MAP2K1: variants seen among roughly 807,000 people sequenced by gnomAD.
The protein encoded by MAP2K1 is dual specificity mitogen-activated protein kinase kinase 1.
MAP2K1 carries 16 observed loss-of-function variants against 46.3 expected under a neutral mutation model. That is an observed-to-expected ratio of 0.35 (90% CI 0.23 to 0.52). MAP2K1 has a LOEUF of 0.52. Ranked by LOEUF, MAP2K1 falls within the 20% of genes least tolerant of loss-of-function variation. The pLI, the probability that MAP2K1 is intolerant of heterozygous loss-of-function variation, is 0.94. For synonymous variants in MAP2K1, 183 were observed against 185.6 expected, an observed-to-expected ratio of 0.99 and a Z score of 0.11; for missense variants, 263 against 497.1, an observed-to-expected ratio of 0.53 and a Z score of 4.48.
At chr15:66,490,066 C>T in intron 10 of MAP2K1, 1 of 549,388 alleles carries the variant, frequency 1.8e-6, no homozygotes, top group East Asian at 3.2e-5. Context: ...TACTGACTGC[C>T]TCATCTTACA....
At chr15:66,440,840 C>G (rs1451908354) in intron 3 of MAP2K1, among the ~76,000 whole-genome samples, 1 of 152,158 alleles carries the variant, frequency 6.6e-6, no homozygotes, top group Admixed American at 6.5e-5. Context: ...TGCAGGCAAC[C>G]CTGGGGAATC....
At chr15:66,449,020 A>AC (rs1891958348) in intron 5 of MAP2K1, among the ~76,000 whole-genome samples, 2 of 151,004 alleles carry the variant, frequency 1.3e-5, no homozygotes, top group East Asian at 1.9e-4. Context: ...AAAAAAAAAA[A>AC]AAAAAAAACA....
At chr15:66,455,817 C>G (rs1892152161) in intron 5 of MAP2K1, among the ~76,000 whole-genome samples, 1 of 152,206 alleles carries the variant, frequency 6.6e-6, no homozygotes, top group Non-Finnish European at 1.5e-5. Flanking sequence ...TGCCGAAGCT[C>G]TGGCTAGCTC....
chr15:66,487,945 T>C (rs1197434849), intron 8 of MAP2K1, among the ~76,000 whole-genome samples: 1 of 152,068 alleles, frequency 6.6e-6, no homozygotes, highest in East Asian at 1.9e-4. Flanking sequence ...CCCATGCAAT[T>C]CTCCCAAGCA....
chr15:66,410,996 A>G (rs2093410005), intron 1 of MAP2K1, among the ~76,000 whole-genome samples: 1 of 152,228 alleles, frequency 6.6e-6, no homozygotes, highest in South Asian at 2.1e-4. Context: ...GTTAGTTTAC[A>G]GAGCTTCTGT....
At chr15:66,457,580 T>C (rs1406451219) in intron 5 of MAP2K1, among the ~76,000 whole-genome samples, 1 of 152,224 alleles carries the variant, frequency 6.6e-6, no homozygotes, top group Non-Finnish European at 1.5e-5. Context: ...ATATTTACTC[T>C]CTGGTCCTTT....
intron 6 of MAP2K1, among the ~76,000 whole-genome samples, chr15:66,482,800 G>A (rs1016253847): frequency 3.3e-5 from 5 of 152,182 alleles, no homozygotes; most frequent in South Asian, 2.1e-4. Context: ...AGGTGGAAAC[G>A]TGAGTCTGGG....
At chr15:66,417,590 C>G (rs180795673) in intron 1 of MAP2K1, among the ~76,000 whole-genome samples, 2 of 152,232 alleles carry the variant, frequency 1.3e-5, no homozygotes, top group East Asian at 1.9e-4. Flanking sequence ...AACAAAAAAC[C>G]TATGCTTAAG....
intron 9 of MAP2K1, 187 bp from the exon 10 acceptor site, chr15:66,489,527 TGACC>T: frequency 1.5e-6 from 1 of 684,538 alleles, no homozygotes; most frequent in South Asian, 1.7e-5. Flanking sequence ...CGTTGCTTTT[TGACC>T]TTAGTTTAAC....
chr15:66,488,095 G>C (rs1176045343), intron 8 of MAP2K1, among the ~76,000 whole-genome samples: 1 of 150,612 alleles, frequency 6.6e-6, no homozygotes, highest in Non-Finnish European at 1.5e-5. Flanking sequence ...CCTCCTAGGA[G>C]GCTTGGCTGC....
chr15:66,388,811 C>T (rs1426745153), intron 1 of MAP2K1, among the ~76,000 whole-genome samples: 4 of 151,666 alleles, frequency 2.6e-5, no homozygotes, highest in African/African-American at 9.7e-5. Context: ...AGACTCTCTT[C>T]TTTAGTCCCC....
chr15:66,419,821 T>G (rs1039125601), intron 1 of MAP2K1, among the ~76,000 whole-genome samples: 3 of 152,194 alleles, frequency 2.0e-5, no homozygotes, highest in Non-Finnish European at 2.9e-5. Context: ...TTTGTTTGTT[T>G]CTTTTTAAAG....
intron 5 of MAP2K1, among the ~76,000 whole-genome samples, chr15:66,452,262 A>G (rs1325796524): frequency 7.3e-6 from 1 of 136,250 alleles, no homozygotes; most frequent in African/African-American, 2.7e-5. Flanking sequence ...CAATGTGCAC[A>G]TGCACCCTAA....
At chr15:66,433,525 G>A (rs549064395) in intron 1 of MAP2K1, among the ~76,000 whole-genome samples, 5 of 152,142 alleles carry the variant, frequency 3.3e-5, no homozygotes, top group African/African-American at 1.2e-4. Flanking sequence ...CAGTAACCTC[G>A]GCCTTGCATC....
intron 5 of MAP2K1, among the ~76,000 whole-genome samples, chr15:66,467,411 C>T (rs139814123): frequency 4.8e-4 from 73 of 152,270 alleles, no homozygotes; most frequent in South Asian, 2.5e-3. Context: ...GAAACAAAGA[C>T]GATAACAGCC....
At chr15:66,444,809 T>A in intron 5 of MAP2K1, 102 bp downstream of exon 5, 1 of 949,690 alleles carries the variant, frequency 1.1e-6, no homozygotes, top group South Asian at 1.4e-5. Context: ...TAAAAGCCTT[T>A]TAATAACATG....
Position 66,391,319 on chromosome 15 carries a change from C to T in MAP2K1, c.80+3892C>T, listed in dbSNP as rs182202488. 8.5e-5 allele frequency among the ~76,000 whole-genome samples: 13 copies of T among 152,282 alleles called. No individual in the cohort carries two copies. The East Asian group carries it at 2.1e-3, about 25-fold the overall frequency. ...CTTTTTGTTTTTTGAGACGGAGTCT[C>T]GCTCTATCGCCCAGGCTGGAATGCA... is the stretch of plus-strand genomic sequence containing the variant. On this transcript the variant is annotated intron_variant, in intron 1 of 10. Transcript: ENST00000307102.
Position 66,420,717 on chromosome 15 carries a change from A to G in MAP2K1, c.81-14310A>G, listed in dbSNP as rs868794707. ...ATACTTACTCTTGGCATATATATAT[A>G]TATATGTGTGTGTGTGTGTGTGTGT... On this transcript the variant is annotated intron_variant, in intron 1 of 10. Coordinates refer to ENST00000307102, the MANE Select transcript of MAP2K1 (RefSeq NM_002755.4). 1.6e-3 allele frequency among the ~76,000 whole-genome samples: 52 copies of G among 32,800 alleles called. 2 individuals are homozygous for G. Among genetic ancestry groups the G allele is most frequent in the Middle Eastern group, 0.014 (1 of 70 alleles). 21.5% of individuals were successfully genotyped at this position (32,800 alleles called of 152,430 possible). A position where few individuals can be genotyped will look rare whatever the true frequency, so the allele number is the denominator to read the frequency against.
intron 5 of MAP2K1, among the ~76,000 whole-genome samples, chr15:66,465,371 G>C (rs1482206587): frequency 6.6e-6 from 1 of 152,160 alleles, no homozygotes; most frequent in Non-Finnish European, 1.5e-5. Flanking sequence ...GTGATCGATT[G>C]AGCAAGTGGG....
Sources: gnomAD v4.1 joint callset for allele counts (sites outside exome capture counted in the v4.1 genomes callset) on GRCh38, gnomAD v4.1.1 for gene constraint, MANE v1.5 for transcripts, NCBI Gene and HGNC (gene_info 2026-07-23, HGNC 2026-07-21) for gene names.